LRRC7: variants seen among roughly 807,000 people sequenced by gnomAD.
LRRC7 encodes leucine-rich repeat-containing protein 7.
LRRC7 carries 23 observed loss-of-function variants against 175.7 expected under a neutral mutation model. The ratio of observed to expected loss-of-function variants is 0.13; its 90% CI spans 0.09 to 0.19. The LOEUF (loss-of-function observed/expected upper bound fraction) is 0.19. Ranked by LOEUF, LRRC7 falls within the 10% of genes least tolerant of loss-of-function variation. The pLI, the probability that LRRC7 is intolerant of heterozygous loss-of-function variation, is 1.00. For synonymous variants in LRRC7, 685 were observed against 680.9 expected (o/e 1.01, Z -0.09); for missense variants, 1,354 against 1,904.7 (o/e 0.71, Z 5.38).
At chr1:69,743,306 T>G (rs887846409) in intron 2 of LRRC7, among the ~76,000 whole-genome samples, 1 of 151,844 alleles carries the variant, frequency 6.6e-6, no homozygotes, top group African/African-American at 2.4e-5. Flanking sequence ...CCTGAGGAAG[T>G]TGGGAAAGAT....
chr1:69,952,996 G>GAA (rs1650100104), intron 8 of LRRC7, among the ~76,000 whole-genome samples: 1 of 70,958 alleles, frequency 1.4e-5, no homozygotes, highest in African/African-American at 6.8e-5. Flanking sequence ...GAGAGACAAG[G>GAA]CAAAAAAAAA....
chr1:69,978,246 G>A (rs1252919943), intron 8 of LRRC7, among the ~76,000 whole-genome samples: 2 of 145,872 alleles, frequency 1.4e-5, no homozygotes, highest in Non-Finnish European at 3.0e-5. Context: ...TCGCACCACT[G>A]CACTCCAGCC....
In LRRC7 at chr1:70,076,138, A is replaced by T. The variant is rs756766847; in HGVS notation, c.4292A>T (p.Gln1431Leu). 1 of 1,614,110 alleles carries T rather than the reference A, an allele frequency of 6.2e-7. No individual in the cohort carries two copies. Among genetic ancestry groups the T allele is most frequent in the East Asian group, 2.2e-5 (1 of 44,876 alleles). Residue 1431 changes from glutamine (Q) to leucine (L), a missense_variant, in exon 24 of 27, where the codon CAG becomes CTG. Around this residue, in one of 4 missense-constraint regions of LRRC7, gnomAD observed 1,032 missense variants for 1,227.2 expected, o/e 0.84. Coordinates refer to ENST00000651989, the MANE Select transcript of LRRC7 (RefSeq NM_001370785.2). ...SQSLQHRSRE[Q>L]QPYEGNINKV... ...AGCCTTCAGCATCGCAGCCGGGAGC[A>T]GCAGCCGTATGAAGGAAATATAAAC...
chr1:69,993,593 A>T (rs1654646491), intron 10 of LRRC7, among the ~76,000 whole-genome samples: 2 of 147,666 alleles, frequency 1.4e-5, no homozygotes, highest in East Asian at 1.9e-4. Context: ...TCACATTGGT[A>T]TGTTAAAAGC....
At chr1:69,707,692 C>T (rs896938671) in intron 2 of LRRC7, among the ~76,000 whole-genome samples, 17 of 152,122 alleles carry the variant, frequency 1.1e-4, no homozygotes. Context: ...GCCCCCAAGT[C>T]AAACATGCAT....
chr1:69,835,044 T>C (rs2101330509), intron 6 of LRRC7, among the ~76,000 whole-genome samples, 175 bp downstream of exon 6: 1 of 151,966 alleles, frequency 6.6e-6, no homozygotes, highest in South Asian at 2.1e-4. Flanking sequence ...TAAAGTAAAA[T>C]TAGGCCTTTA....
intron 1 of LRRC7, among the ~76,000 whole-genome samples, chr1:69,628,112 C>G (rs1651894934): frequency 6.6e-6 from 1 of 152,130 alleles, no homozygotes; most frequent in Admixed American, 6.5e-5. Context: ...TCGTTCTCAG[C>G]ATTGTACTGC....
At chr1:69,905,919 G>A (rs1297089117) in intron 7 of LRRC7, among the ~76,000 whole-genome samples, 1 of 152,210 alleles carries the variant, frequency 6.6e-6, no homozygotes. Flanking sequence ...TCCAGCACCT[G>A]TTGTTTCCTG....
rs1468565210 is a variant in LRRC7 at position 69,943,987 on chromosome 1, C to CACAA, written c.711+12418_711+12419insCAAA. On this transcript the variant is annotated intron_variant, in intron 8 of 26. Transcript: ENST00000651989. ...ACACACACACACACACACACACACA[C>CACAA]AACATGAGATTTACCCTCTTCTCAA... 2.5e-3 allele frequency among the ~76,000 whole-genome samples: 362 copies of CACAA among 146,480 alleles called. 2 individuals are homozygous for CACAA. The highest frequency in any genetic ancestry group is 9.1e-3 in the African/African-American group (349 of 38,382).
chr1:69,577,963 C>A (rs1646026522), intron 1 of LRRC7, among the ~76,000 whole-genome samples: 1 of 152,040 alleles, frequency 6.6e-6, no homozygotes, highest in African/African-American at 2.4e-5. Context: ...CTATAAATTA[C>A]CTTGGGCATT....
intron 1 of LRRC7, among the ~76,000 whole-genome samples, chr1:69,598,514 A>G (rs1382538677): frequency 6.6e-6 from 1 of 152,128 alleles, no homozygotes; most frequent in East Asian, 1.9e-4. Flanking sequence ...GTCTACTGGC[A>G]GAATTCCTTC....
At chr1:69,846,449 A>AT (rs576013093) in intron 7 of LRRC7, among the ~76,000 whole-genome samples, 3 of 152,192 alleles carry the variant, frequency 2.0e-5, no homozygotes, top group African/African-American at 4.8e-5. Flanking sequence ...TTACCAAAAG[A>AT]TAAAAACTGC....
In LRRC7 at chr1:69,702,960, C is replaced by A. The variant is rs190313994; in HGVS notation, c.100+24482C>A. ...CAGATGTGTTTTCCTCTCCTAGGAT[C>A]AATTGCAGTGTTTATTACATGGACG... On this transcript the variant is annotated intron_variant, in intron 2 of 26. Transcript: ENST00000651989. 1.2e-3 allele frequency among the ~76,000 whole-genome samples: 189 copies of A among 152,116 alleles called. 3 individuals carry two copies. The highest frequency in any genetic ancestry group is 3.5e-3 in the Admixed American group (54 of 15,264).
At chr1:70,046,238 C>T (rs1187729018) in intron 22 of LRRC7, among the ~76,000 whole-genome samples, 1 of 152,064 alleles carries the variant, frequency 6.6e-6, no homozygotes, top group Non-Finnish European at 1.5e-5. Flanking sequence ...ATCTAAATTA[C>T]TCTCCAGATA....
At chr1:69,705,525 G>T (rs1002795778) in intron 2 of LRRC7, among the ~76,000 whole-genome samples, 2 of 152,108 alleles carry the variant, frequency 1.3e-5, no homozygotes, top group African/African-American at 4.8e-5. Context: ...ACAGATGAGG[G>T]TTATCTTCAG....
intron 7 of LRRC7, among the ~76,000 whole-genome samples, chr1:69,882,694 A>T (rs1404623886): frequency 6.7e-6 from 1 of 150,044 alleles, no homozygotes; most frequent in Non-Finnish European, 1.5e-5. Context: ...TACATGTGCC[A>T]TGCTGGTGTG....
At chr1:70,083,822 T>A (rs1255362341) in intron 24 of LRRC7, among the ~76,000 whole-genome samples, 1 of 152,108 alleles carries the variant, frequency 6.6e-6, no homozygotes, top group African/African-American at 2.4e-5. Context: ...AGCAATTTCA[T>A]CAAGGTATGT....
chr1:69,940,304 A>G (rs1334485821), intron 8 of LRRC7, among the ~76,000 whole-genome samples: 3 of 152,146 alleles, frequency 2.0e-5, no homozygotes, highest in Non-Finnish European at 2.9e-5. Flanking sequence ...CTTTGCTAGC[A>G]GTAAAATAAA....
chr1:70,021,244 G>A, intron 16 of LRRC7, 115 bp downstream of exon 16: 2 of 971,652 alleles, frequency 2.1e-6, no homozygotes, highest in African/African-American at 1.7e-5. Flanking sequence ...TCTCATGGCG[G>A]TACCTTTCAT....
Sources: gnomAD v4.1 joint callset for allele counts (sites outside exome capture counted in the v4.1 genomes callset) on GRCh38, gnomAD v4.1.1 for gene constraint, gnomAD v4.1.1 regional missense constraint, MANE v1.5 for transcripts, NCBI Gene and HGNC (gene_info 2026-07-23, HGNC 2026-07-21) for gene names.